TICRR: variants seen among roughly 807,000 people sequenced by gnomAD.
TICRR encodes treslin.
A neutral mutation model predicts 178.1 loss-of-function variants in TICRR; 132 were observed. The ratio of observed to expected loss-of-function variants is 0.74; its 90% confidence interval spans 0.64 to 0.86. The LOEUF (loss-of-function observed/expected upper bound fraction) is 0.86. Ranked by LOEUF, TICRR falls within the 40% of genes least tolerant of loss-of-function variation. TICRR has a pLI of 0.00. For missense variants in TICRR, 2,587 were observed against 2,334.3 expected (o/e 1.11, Z -2.23); for synonymous variants, 991 against 900.7 (o/e 1.10, Z -1.79).
intron 12 of TICRR, among the ~76,000 whole-genome samples, chr15:89,602,434 A>G (rs1374144732): frequency 1.3e-5 from 2 of 152,182 alleles, no homozygotes; most frequent in Non-Finnish European, 2.9e-5. Context: ...CTATGGGACC[A>G]TTGTCATATA....
At chr15:89,599,505 A>C in intron 8 of TICRR, 30 bp downstream of exon 8, 1 of 1,598,480 alleles carries the variant, frequency 6.3e-7, no homozygotes, top group Non-Finnish European at 8.5e-7. Context: ...GTTGTTTGTC[A>C]TGGATGTAGT....
chr15:89,606,852 T>C (rs1186893703), intron 14 of TICRR, 27 bp downstream of exon 14: 1 of 1,588,348 alleles, frequency 6.3e-7, no homozygotes, highest in Non-Finnish European at 8.6e-7. Flanking sequence ...GTGTATGTAT[T>C]TATTCACTAG....
Position 89,618,155 on chromosome 15 carries a change from C to T in TICRR, c.2964C>T (p.Ser988=), listed in dbSNP as rs745703194. 1 of 1,613,994 alleles carries T rather than the reference C, an allele frequency of 6.2e-7. No individual in the cohort carries two copies. The highest frequency in any genetic ancestry group is 1.3e-5 in the African/African-American group (1 of 74,894). The part of the protein sequence containing the change: ...RLLHRQIKGR[S]SDPGPDIGVV... ...CTTGTGCATGTGGTTCCTCGAGGTC[C>T]TCTGATCCTGGTCCTGATATTGGTG... The change falls in exon 17 of 22, where the codon TCC becomes TCT. Residue 988 remains serine, a synonymous_variant. Transcript: ENST00000268138.
chr15:89,619,226 T>TTTTA lies in TICRR; in HGVS notation c.3020-479_3020-478insATTT, dbSNP rs1337731831. Among the ~76,000 whole-genome samples, 783 of 144,332 alleles carry TTTTA rather than the reference T, an allele frequency of 5.4e-3. 16 individuals are homozygous for TTTTA. The highest frequency in any genetic ancestry group is 0.02 in the African/African-American group (762 of 38,932). 94.7% of individuals were successfully genotyped at this position (144,332 alleles called of 152,430 possible). On this transcript the variant is annotated intron_variant, in intron 17 of 21. Coordinates refer to ENST00000268138, the MANE Select transcript of TICRR (RefSeq NM_152259.4). ...TTTCGCCCTACACCATTCTTCTTTT[T>TTTTA]TTTTTTTTTTTTTTGGTGAGACAGA...
At chr15:89,578,495 A>T (rs1160598411) in intron 1 of TICRR, among the ~76,000 whole-genome samples, 1 of 152,194 alleles carries the variant, frequency 6.6e-6, no homozygotes, top group Non-Finnish European at 1.5e-5. Context: ...AGCCTTAGAC[A>T]CAGTATACAA....
intron 18 of TICRR, 40 bp from the exon 19 acceptor site, chr15:89,621,353 T>A: frequency 6.3e-7 from 1 of 1,575,892 alleles, no homozygotes; most frequent in Non-Finnish European, 8.6e-7. Context: ...GAACAGGAAT[T>A]GAGAAAGAAT....
chr15:89,590,388 C>T (rs753692073), intron 4 of TICRR, among the ~76,000 whole-genome samples: 4 of 152,154 alleles, frequency 2.6e-5, no homozygotes, highest in Non-Finnish European at 4.4e-5. Context: ...TGTGTGTAGG[C>T]TATTTGTAGA....
At position 89,599,678 on chromosome 15, in the gene TICRR, G is replaced by A. The variant is rs111467360; in HGVS notation, c.2052+203G>A. On this transcript the variant is annotated intron_variant, in intron 8 of 21. Coordinates refer to ENST00000268138, the MANE Select transcript of TICRR (RefSeq NM_152259.4). ...GTAAGGCAGAAATCAAAGAGATGGG[G>A]TGAGCGGGGATAATTACATATAATT... 2.8e-4 allele frequency among the ~76,000 whole-genome samples: 42 copies of A among 152,324 alleles called. 4 individuals are homozygous for A. Among genetic ancestry groups the A allele is most frequent in the African/African-American group, 8.7e-4 (36 of 41,572 alleles).
chr15:89,619,002 T>A (rs1002311322), intron 17 of TICRR, among the ~76,000 whole-genome samples: 5 of 151,978 alleles, frequency 3.3e-5, no homozygotes, highest in Non-Finnish European at 5.9e-5. Context: ...GGAGGGGTTT[T>A]AAAAAACTAA....
chr15:89,610,486 C>T (rs1418224128), intron 15 of TICRR, among the ~76,000 whole-genome samples: 1 of 152,142 alleles, frequency 6.6e-6, no homozygotes, highest in Non-Finnish European at 1.5e-5. Flanking sequence ...TCTTTCTTGG[C>T]TTACAGTCTG....
intron 1 of TICRR, among the ~76,000 whole-genome samples, chr15:89,576,860 T>C (rs184165572): frequency 0.47 from 60,477 of 127,774 alleles, 13,997 homozygotes; most frequent in Non-Finnish European, 0.51. Flanking sequence ...TATATATATA[T>C]ACACACACAC....
At chr15:89,619,988 C>T in intron 18 of TICRR, 146 bp downstream of exon 18, 1 of 926,172 alleles carries the variant, frequency 1.1e-6, no homozygotes, top group South Asian at 1.8e-5. Flanking sequence ...AGGGTGATGG[C>T]TAGATGGACA....
Position 89,626,021 on chromosome 15 carries a change from C to T in TICRR, c.5562C>T (p.Phe1854=), listed in dbSNP as rs780040326. ...CTCTGACCCAGTCTCCGCTGCTGTT[C>T]CAGGGGAAAACACCTTCCTCTCAGA... ...LQALTQSPLL[F]QGKTPSSQSK... Residue 1854 remains phenylalanine, a synonymous_variant, in exon 21 of 22, where the codon TTC becomes TTT. Coordinates refer to ENST00000268138, the MANE Select transcript of TICRR (RefSeq NM_152259.4). 2 of 1,613,664 alleles carry T rather than the reference C, an allele frequency of 1.2e-6. No homozygotes were observed. The highest frequency in any genetic ancestry group is 1.7e-5 in the Admixed American group (1 of 59,920).
intron 4 of TICRR, among the ~76,000 whole-genome samples, chr15:89,587,697 A>G (rs1275469369): frequency 1.3e-5 from 2 of 152,198 alleles, no homozygotes; most frequent in Non-Finnish European, 2.9e-5. Flanking sequence ...TCGGGATACC[A>G]TCACAACGTG....
At chr15:89,613,734 C>CTTTTTT (rs34162195) in intron 15 of TICRR, among the ~76,000 whole-genome samples, 1 of 61,520 alleles carries the variant, frequency 1.6e-5, no homozygotes, top group African/African-American at 7.5e-5. Flanking sequence ...TTTCTATTCG[C>CTTTTTT]TTTTTTTTTT....
intron 16 of TICRR, 90 bp from the exon 17 acceptor site, chr15:89,618,062 T>A: frequency 7.7e-7 from 1 of 1,298,142 alleles, no homozygotes; most frequent in Non-Finnish European, 1.1e-6. Flanking sequence ...GTGATCTTTG[T>A]GATCTTGTTA....
intron 18 of TICRR, among the ~76,000 whole-genome samples, 184 bp from the exon 19 acceptor site, chr15:89,621,209 T>C (rs901046193): frequency 2.6e-5 from 4 of 151,104 alleles, no homozygotes; most frequent in African/African-American, 7.3e-5. Context: ...TCAGTAGAGA[T>C]GGTGTTTCGC....
Position 89,621,443 on chromosome 15 carries a change from CT to C in TICRR, c.3210del (p.Phe1070LeufsTer7). 3 of 1,613,962 alleles carry C rather than the reference CT, an allele frequency of 1.9e-6. No homozygotes were observed. The highest frequency in any genetic ancestry group is 2.5e-6 in the Non-Finnish European group (3 of 1,179,958). The stretch of plus-strand genomic sequence containing the variant: ...AAGTATTCGGTCTCCCAAGAGTCTT[CT>C]TTTTGGGGCAATGTCTGAGATGATC... ...VQSIRSPKSL[L>X]FGAMSEMISP... On this transcript the variant is annotated frameshift_variant, in exon 19 of 22. Coordinates refer to ENST00000268138, the MANE Select transcript of TICRR (RefSeq NM_152259.4). LOFTEE classifies it high-confidence loss of function.
At position 89,608,783 on chromosome 15, in the gene TICRR, T is replaced by C. The variant is rs1963210195; in HGVS notation, c.2723-20T>C. On this transcript the variant is annotated intron_variant, in intron 14 of 21. Transcript: ENST00000268138. ...TAATCTTTGGGTTTTTCTTTTTCTT[T>C]TAATTTTTGATGCTTTCAGAAGTGA... The C allele has an allele frequency of 3.8e-6, 6 of 1,564,558 alleles. No homozygotes were observed. The highest frequency in any genetic ancestry group is 5.2e-6 in the Non-Finnish European group (6 of 1,160,336).
Sources: allele counts gnomAD v4.1 joint callset (sites outside exome capture counted in the v4.1 genomes callset), GRCh38; gene constraint gnomAD v4.1.1; transcripts MANE v1.5; gene names NCBI Gene and HGNC (gene_info 2026-07-23, HGNC 2026-07-21).